The following ZNF652 variants were observed in gnomAD, a reference collection of about 807,000 sequenced individuals.
The protein encoded by ZNF652 is zinc finger protein 652.
Under a neutral mutation model 45.2 loss-of-function variants are expected in ZNF652, and 16 were observed. That is an observed-to-expected ratio of 0.35 (90% CI 0.24 to 0.54). The LOEUF (loss-of-function observed/expected upper bound fraction) is 0.54, where lower values mean the gene tolerates loss of function less well. ZNF652 is among the 20% of genes least tolerant of loss of function. The pLI is 0.91. For synonymous variants in ZNF652, 250 were observed against 260.6 expected (o/e 0.96, Z 0.39); for missense variants, 614 against 765.6 (o/e 0.80, Z 2.34).
intron 5 of ZNF652, among the ~76,000 whole-genome samples, chr17:49,309,087 C>G (rs1008044747): frequency 6.6e-6 from 1 of 151,982 alleles, no homozygotes; most frequent in Non-Finnish European, 1.5e-5. Context: ...AAGGGGGATG[C>G]AGAGGCAGAG....
Position 49,336,120 on chromosome 17 carries a change from G to A in ZNF652, c.-258-18137C>T, listed in dbSNP as rs1479836022. 3.3e-5 allele frequency among the ~76,000 whole-genome samples: 5 copies of A among 152,116 alleles called. No individual in the cohort carries two copies. In the East Asian group the frequency reaches 9.7e-4, roughly 29 times the overall value. On this transcript the variant is annotated intron_variant, in intron 1 of 5. Coordinates refer to ENST00000430262, the MANE Select transcript of ZNF652 (RefSeq NM_001145365.3). ...GCTCACTGCAACCTCCGCCTCCTGG[G>A]TTCAAGCAATTCTCCTGCCTCAGCC...
intron 4 of ZNF652, 92 bp from the exon 5 acceptor site, chr17:49,311,548 T>A (rs1400432421): frequency 7.4e-7 from 1 of 1,352,464 alleles, no homozygotes; most frequent in Non-Finnish European, 9.9e-7. Context: ...AGGCTTATTT[T>A]TCATATTCAA....
intron 1 of ZNF652, among the ~76,000 whole-genome samples, chr17:49,319,991 C>T (rs1363648873): frequency 6.6e-6 from 1 of 151,966 alleles, no homozygotes; most frequent in African/African-American, 2.4e-5. Context: ...TTTTAGCTGC[C>T]CCCCTCTCCA....
At chr17:49,342,332 T>C (rs2070156590) in intron 1 of ZNF652, among the ~76,000 whole-genome samples, 1 of 152,102 alleles carries the variant, frequency 6.6e-6, no homozygotes, top group Non-Finnish European at 1.5e-5. Context: ...TATGTTAAAT[T>C]CAGGAAATTC....
chr17:49,350,355 A>G (rs1435147764), intron 1 of ZNF652, among the ~76,000 whole-genome samples: 1 of 152,078 alleles, frequency 6.6e-6, no homozygotes, highest in African/African-American at 2.4e-5. Context: ...CCTGGCCAAC[A>G]TGGCAAAATC....
chr17:49,317,834 T>A lies in ZNF652; in HGVS notation c.-109A>T. 4 of 1,180,404 alleles carry A rather than the reference T, an allele frequency of 3.4e-6. No homozygotes were observed. The highest frequency in any genetic ancestry group is 1.5e-5 in the African/African-American group (1 of 64,806). The allele number at this position is 1,180,404 out of a possible 1,614,324, so 73.1% of individuals were successfully genotyped here. ...TCTCATCCACAAAGAATCACTCAAA[T>A]GAAAAAAAGATATTCCTGGAAACTG... On this transcript the variant is annotated 5_prime_UTR_variant, in exon 2 of 6. Coordinates refer to ENST00000430262, the MANE Select transcript of ZNF652 (RefSeq NM_001145365.3).
intron 1 of ZNF652, among the ~76,000 whole-genome samples, chr17:49,318,202 C>T (rs1436883014): frequency 1.3e-5 from 2 of 152,122 alleles, no homozygotes; most frequent in East Asian, 1.9e-4. Flanking sequence ...CTAAGCCTCC[C>T]GAGTAGCTGG....
intron 1 of ZNF652, among the ~76,000 whole-genome samples, chr17:49,354,703 T>C (rs2070317245): frequency 6.6e-6 from 1 of 152,116 alleles, no homozygotes; most frequent in African/African-American, 2.4e-5. Flanking sequence ...ATTACTATTC[T>C]GAAAGTTACC....
chr17:49,339,310 C>CTTTTTTTTTTTTTTTT (rs36110074), intron 1 of ZNF652, among the ~76,000 whole-genome samples: 1 of 110,976 alleles, frequency 9.0e-6, no homozygotes, highest in Non-Finnish European at 1.8e-5. Flanking sequence ...TCAAGTGATT[C>CTTTTTTTTTTTTTTTT]TTTTTTTTTT....
chr17:49,315,760 T>C (rs1213118755), intron 2 of ZNF652, among the ~76,000 whole-genome samples: 1 of 152,196 alleles, frequency 6.6e-6, no homozygotes, highest in Non-Finnish European at 1.5e-5. Context: ...CTCAGTCTTC[T>C]TTTATTTACC....
chr17:49,360,607 C>CA (rs1361128419), intron 1 of ZNF652, among the ~76,000 whole-genome samples: 1 of 152,186 alleles, frequency 6.6e-6, no homozygotes, highest in East Asian at 1.9e-4. Flanking sequence ...AAAACAGCCC[C>CA]ACTCGACGAC....
intron 1 of ZNF652, among the ~76,000 whole-genome samples, chr17:49,335,138 A>C (rs1368440069): frequency 6.6e-6 from 1 of 152,224 alleles, no homozygotes; most frequent in Non-Finnish European, 1.5e-5. Flanking sequence ...ATATTTCAAT[A>C]ACAAAATCAA....
chr17:49,299,632 C>T (rs756718177), intron 5 of ZNF652, among the ~76,000 whole-genome samples: 2 of 151,674 alleles, frequency 1.3e-5, no homozygotes, highest in African/African-American at 2.4e-5. Flanking sequence ...CTACCCACCT[C>T]GGCCTCTCAA....
intron 1 of ZNF652, among the ~76,000 whole-genome samples, chr17:49,321,831 A>G (rs1465919529): frequency 2.0e-5 from 3 of 152,240 alleles, no homozygotes; most frequent in Non-Finnish European, 2.9e-5. Context: ...ATATTATACC[A>G]TAAGAGCTAG....
At chr17:49,314,053 G>A (rs1317496047) in intron 2 of ZNF652, among the ~76,000 whole-genome samples, 9 of 138,318 alleles carry the variant, frequency 6.5e-5, no homozygotes, top group African/African-American at 8.2e-5. Context: ...TTATTAATAC[G>A]AATAATTGAA....
At position 49,298,362 on chromosome 17, in the gene ZNF652, C is replaced by T. The variant is rs758697597; in HGVS notation, c.*51G>A. ...AATGCTCACCGACTCCCTCTGTGCA[C>T]GCTCACACATGGGGACGTGTCTCCT... On this transcript the variant is annotated 3_prime_UTR_variant, in exon 6 of 6. Transcript: ENST00000430262. 11 of 1,604,934 alleles carry T rather than the reference C, an allele frequency of 6.9e-6. No individual in the cohort carries two copies. Among genetic ancestry groups the T allele is most frequent in the Admixed American group, 6.7e-5 (4 of 59,564 alleles).
chr17:49,337,642 A>G (rs1408659015), intron 1 of ZNF652, among the ~76,000 whole-genome samples: 2 of 152,330 alleles, frequency 1.3e-5, no homozygotes, highest in Admixed American at 6.5e-5. Flanking sequence ...ACTGCTACTC[A>G]AACAAGGGAT....
intron 5 of ZNF652, among the ~76,000 whole-genome samples, chr17:49,310,758 C>T (rs2069698826): frequency 1.3e-5 from 2 of 152,092 alleles, no homozygotes; most frequent in Non-Finnish European, 2.9e-5. Context: ...AAAAATTAGC[C>T]AGGTATGGTG....
At chr17:49,313,535 C>T (rs2069748419) in intron 2 of ZNF652, among the ~76,000 whole-genome samples, 1 of 152,036 alleles carries the variant, frequency 6.6e-6, no homozygotes, top group Non-Finnish European at 1.5e-5. Context: ...GTGGCTGCCT[C>T]CTCCACATCA....
Sources: allele counts gnomAD v4.1 joint callset (sites outside exome capture counted in the v4.1 genomes callset), GRCh38; gene constraint gnomAD v4.1.1; transcripts MANE v1.5; gene names NCBI Gene and HGNC (gene_info 2026-07-23, HGNC 2026-07-21).